TBC1D30: variants seen among roughly 807,000 people sequenced by gnomAD.
TBC1D30 encodes TBC1 domain family, member 30.
In TBC1D30, 31 loss-of-function variants were observed where a neutral mutation model predicts 63.2. The observed-to-expected ratio is 0.49, with a 90% confidence interval of 0.37 to 0.66. The LOEUF is 0.66. TBC1D30 is among the 30% of genes least tolerant of loss of function. The pLI is 0.00. For synonymous variants in TBC1D30, 307 were observed against 361.5 expected, an observed-to-expected ratio of 0.85 and a Z score of 1.71; for missense variants, 810 against 953.6, an observed-to-expected ratio of 0.85 and a Z score of 1.98.
chr12:64,796,725 G>A (rs758048616), intron 2 of TBC1D30, among the ~76,000 whole-genome samples: 14 of 152,090 alleles, frequency 9.2e-5, no homozygotes, highest in East Asian at 5.8e-4. Context: ...TTTCAAAAGC[G>A]TTATTCATTT....
intron 1 of TBC1D30, among the ~76,000 whole-genome samples, chr12:64,772,720 G>A (rs1465839610): frequency 2.0e-5 from 3 of 152,140 alleles, no homozygotes; most frequent in African/African-American, 4.8e-5. Flanking sequence ...GAGCCACTGC[G>A]CCTGGCCTAC....
intron 8 of TBC1D30, among the ~76,000 whole-genome samples, chr12:64,859,284 C>A (rs1267039055): frequency 6.6e-6 from 1 of 152,088 alleles, no homozygotes; most frequent in Non-Finnish European, 1.5e-5. Flanking sequence ...TCATGAAAGA[C>A]CACAATGCCT....
chr12:64,824,022 C>T (rs1302312037), upstream of TBC1D30, among the ~76,000 whole-genome samples: 1 of 149,166 alleles, frequency 6.7e-6, no homozygotes, highest in East Asian at 2.0e-4. Context: ...TTTCTTTCAT[C>T]CATTTTAATG....
At chr12:64,799,697 G>A (rs1388969070) in intron 2 of TBC1D30, among the ~76,000 whole-genome samples, 2 of 152,224 alleles carry the variant, frequency 1.3e-5, no homozygotes, top group Non-Finnish European at 2.9e-5. Flanking sequence ...AATGTGTCTT[G>A]GGGATACATG....
At chr12:64,797,618 GA>G (rs1872357567) in intron 2 of TBC1D30, among the ~76,000 whole-genome samples, 1 of 151,930 alleles carries the variant, frequency 6.6e-6, no homozygotes, top group Non-Finnish European at 1.5e-5. Flanking sequence ...GCAATCCTAT[GA>G]TATTTCTTTA....
At chr12:64,849,937 G>C (rs1273313534) in intron 8 of TBC1D30, among the ~76,000 whole-genome samples, 1 of 151,848 alleles carries the variant, frequency 6.6e-6, no homozygotes, top group African/African-American at 2.4e-5. Flanking sequence ...TTTGTGCCCT[G>C]TCTTATTCCT....
At chr12:64,817,206 C>T (rs1362712077) in intron 2 of TBC1D30, among the ~76,000 whole-genome samples, 1 of 152,148 alleles carries the variant, frequency 6.6e-6, no homozygotes, top group Non-Finnish European at 1.5e-5. Flanking sequence ...CTGGATAGAC[C>T]TCTGGGATGA....
chr12:64,865,592 A>G (rs1878141601), intron 9 of TBC1D30, among the ~76,000 whole-genome samples: 1 of 152,126 alleles, frequency 6.6e-6, no homozygotes, highest in South Asian at 2.1e-4. Flanking sequence ...GTGGTGGCTC[A>G]CGCCCGTAAT....
intron 1 of TBC1D30, among the ~76,000 whole-genome samples, chr12:64,774,382 C>T (rs1871004773): frequency 6.6e-6 from 1 of 152,162 alleles, no homozygotes. Flanking sequence ...GATATCATCC[C>T]TGAGAACTTC....
Position 64,785,876 on chromosome 12 carries a change from G to C in TBC1D30, c.479-5G>C, listed in dbSNP as rs1324819410. On this transcript the variant is annotated splice_region_variant and splice_polypyrimidine_tract_variant and intron_variant, in intron 1 of 12. Coordinates refer to the TBC1D30 transcript ENST00000542120. ...ATCGTTATTCTTATTTTTCTTTACT[G>C]ATAGACGCTAATGAACTGAAGACGA... The C allele has an allele frequency of 3.9e-6, 5 of 1,287,132 alleles. No homozygotes were observed. The East Asian group carries it at 2.8e-4, about 72-fold the overall frequency. 79.7% of individuals were successfully genotyped at this position (1,287,132 alleles called of 1,614,324 possible).
intron 2 of TBC1D30, among the ~76,000 whole-genome samples, chr12:64,802,482 G>GTTTC (rs563607475): frequency 6.5e-4 from 99 of 151,904 alleles, no homozygotes; most frequent in East Asian, 1.2e-3. Flanking sequence ...CACCAATTTT[G>GTTTC]TTTCTTTCTT....
intron 2 of TBC1D30, among the ~76,000 whole-genome samples, chr12:64,793,100 G>A (rs767640975): frequency 2.0e-5 from 3 of 152,114 alleles, no homozygotes; most frequent in Non-Finnish European, 2.9e-5. Context: ...ATTACTTTGG[G>A]AGGCTGAAGC....
At chr12:64,834,915 A>G (rs1382604914) in intron 5 of TBC1D30, among the ~76,000 whole-genome samples, 1 of 152,010 alleles carries the variant, frequency 6.6e-6, no homozygotes, top group Non-Finnish European at 1.5e-5. Flanking sequence ...TAATTTCTCA[A>G]TAAAAACCAA....
intron 8 of TBC1D30, among the ~76,000 whole-genome samples, chr12:64,845,769 C>T (rs372372114): frequency 2.0e-5 from 3 of 151,424 alleles, no homozygotes; most frequent in Non-Finnish European, 4.4e-5. Flanking sequence ...AAGCGATTCT[C>T]GTGCCTCAGC....
chr12:64,785,807 T>C, intron 1 of TBC1D30: 5 of 1,159,952 alleles, frequency 4.3e-6, no homozygotes, highest in Non-Finnish European at 5.7e-6. Flanking sequence ...TATTTATCTT[T>C]GGACTAATAT....
upstream of TBC1D30, among the ~76,000 whole-genome samples, chr12:64,776,717 CA>C (rs1305575800): frequency 1.3e-5 from 2 of 151,966 alleles, no homozygotes; most frequent in Admixed American, 6.6e-5. Context: ...GAAACTATTT[CA>C]AAAAGTTGAA....
At chr12:64,832,785 AG>A (rs1467562869) in intron 5 of TBC1D30, among the ~76,000 whole-genome samples, 5 of 152,252 alleles carry the variant, frequency 3.3e-5, no homozygotes, top group African/African-American at 1.2e-4. Context: ...AATTCCTCAC[AG>A]GCTGTTGGAC....
At chr12:64,800,400 G>A (rs1253897538) in intron 2 of TBC1D30, among the ~76,000 whole-genome samples, 1 of 152,204 alleles carries the variant, frequency 6.6e-6, no homozygotes, top group Admixed American at 6.5e-5. Context: ...AGTGAGGACA[G>A]GCTGGATAAG....
intron 8 of TBC1D30, among the ~76,000 whole-genome samples, chr12:64,857,164 GTCTT>G (rs1216144738): frequency 1.3e-5 from 2 of 152,062 alleles, no homozygotes; most frequent in Non-Finnish European, 2.9e-5. Flanking sequence ...AAACAGATGA[GTCTT>G]TCACCATAGC....
Sources: allele counts gnomAD v4.1 joint callset (sites outside exome capture counted in the v4.1 genomes callset), GRCh38; gene constraint gnomAD v4.1.1; transcripts MANE v1.5; gene names NCBI Gene and HGNC (gene_info 2026-07-23, HGNC 2026-07-21).